Variants in VPS54 observed in about 807,000 individuals in gnomAD.
The protein encoded by VPS54 is vacuolar protein sorting-associated protein 54.
A neutral mutation model predicts 121.5 loss-of-function variants in VPS54; 45 were observed. The observed-to-expected ratio is 0.37, with a 90% CI of 0.29 to 0.47. The LOEUF is 0.47. Among genes scored for constraint, VPS54 ranks in the 20% least tolerant of loss-of-function variants. The pLI is 0.99. For missense variants in VPS54, 1,090 were observed against 1,131.4 expected (o/e 0.96, Z 0.52); for synonymous variants, 371 against 385.8 (o/e 0.96, Z 0.45).
chr2:63,976,441 T>C (rs1676534667), intron 3 of VPS54, among the ~76,000 whole-genome samples: 1 of 151,974 alleles, frequency 6.6e-6, no homozygotes, highest in Non-Finnish European at 1.5e-5. Flanking sequence ...AGTATTAGCT[T>C]CATGACAGCC....
At position 63,914,239 on chromosome 2, in the gene VPS54, C is replaced by T. The variant is rs1321023567; in HGVS notation, c.2277G>A (p.Val759=). 2 of 1,613,300 alleles carry T rather than the reference C, an allele frequency of 1.2e-6. No homozygotes were observed. The highest frequency in any genetic ancestry group is 1.7e-6 in the Non-Finnish European group (2 of 1,179,682). Residue 759 remains valine (V), a synonymous_variant, in exon 17 of 23, where the codon GTG becomes GTA. Transcript: ENST00000272322. ...IRIILEYCQC[V]DNIPSVTTDM... is the part of the protein sequence containing the mutation. ...CAGTAGTAACAGATGGGATGTTATC[C>T]ACACACTGGCAATATTCAAGGATAA...
At chr2:63,921,822 T>C (rs950644672) in intron 12 of VPS54, among the ~76,000 whole-genome samples, 2 of 152,226 alleles carry the variant, frequency 1.3e-5, no homozygotes, top group African/African-American at 4.8e-5. Context: ...AGAATTTTCA[T>C]TCTCCACTGT....
chr2:63,999,791 T>G (rs1310814391), intron 1 of VPS54, among the ~76,000 whole-genome samples: 1 of 152,142 alleles, frequency 6.6e-6, no homozygotes, highest in Non-Finnish European at 1.5e-5. Flanking sequence ...TTTTTTCTTT[T>G]GTCTTCTCTG....
At chr2:63,915,488 A>G (rs1462500512) in intron 16 of VPS54, among the ~76,000 whole-genome samples, 1 of 152,178 alleles carries the variant, frequency 6.6e-6, no homozygotes, top group Non-Finnish European at 1.5e-5. Flanking sequence ...GCATGAGTCC[A>G]TTGCTTATCT....
chr2:63,903,538 A>G (rs970758451), intron 20 of VPS54, among the ~76,000 whole-genome samples: 1 of 152,206 alleles, frequency 6.6e-6, no homozygotes, highest in Non-Finnish European at 1.5e-5. Context: ...ACTTTAAAAG[A>G]TAACTGATAA....
At chr2:64,000,062 A>G (rs58074696) in intron 1 of VPS54, among the ~76,000 whole-genome samples, 11,042 of 151,784 alleles carry the variant, frequency 0.073, 846 homozygotes, top group African/African-American at 0.2. Flanking sequence ...GGGTTTCACC[A>G]TGTTGGCCGG....
chr2:63,982,195 C>T (rs34389106), intron 2 of VPS54, among the ~76,000 whole-genome samples: 26,892 of 122,946 alleles, frequency 0.22, 3,155 homozygotes, highest in Non-Finnish European at 0.31. Flanking sequence ...ATTACTCTAT[C>T]TTTTTTTTTC....
In VPS54 at chr2:63,933,791, A is replaced by T; in HGVS notation, c.1621T>A (p.Ser541Thr). 6.2e-7 allele frequency: 1 copy of T among 1,613,892 alleles called. No individual in the cohort carries two copies. The highest frequency in any genetic ancestry group is 8.5e-7 in the Non-Finnish European group (1 of 1,179,856). The change falls in exon 12 of 23, where the codon TCT becomes ACT. Residue 541 changes from serine (S) to threonine (T), a missense_variant. Ser to Thr is a moderately conservative substitution (Grantham distance 58). Transcript: ENST00000272322. ...CTGCTGCAGGGCTCACTATTTGGAG[A>T]TGCATTTCTTTGAGAGGTAGTGTCA... ...AVDTTSQRNA[S>T]PNSEPCSSDS...
intron 13 of VPS54, among the ~76,000 whole-genome samples, 172 bp from the exon 14 acceptor site, chr2:63,920,799 T>C (rs1463197153): frequency 1.3e-5 from 2 of 152,112 alleles, no homozygotes; most frequent in African/African-American, 4.8e-5. Flanking sequence ...AATTTGATTC[T>C]GATCCCTTTA....
chr2:64,013,717 TAG>T (rs983073130), intron 1 of VPS54, among the ~76,000 whole-genome samples: 8 of 147,454 alleles, frequency 5.4e-5, no homozygotes, highest in Non-Finnish European at 8.9e-5. Context: ...ATATATCATA[TAG>T]AGAGATATAT....
At chr2:63,987,500 T>G (rs35648996) in intron 1 of VPS54, among the ~76,000 whole-genome samples, 26,947 of 152,132 alleles carry the variant, frequency 0.18, 3,157 homozygotes, top group Non-Finnish European at 0.24. Context: ...GATAGCTTTG[T>G]TTATTCCAAG....
chr2:63,990,557 C>T (rs1396877352), intron 1 of VPS54, among the ~76,000 whole-genome samples: 1 of 152,116 alleles, frequency 6.6e-6, no homozygotes, highest in East Asian at 1.9e-4. Context: ...CAGTAATCAC[C>T]AGGATACCTC....
chr2:63,947,263 A>C, intron 9 of VPS54, 120 bp downstream of exon 9: 3 of 966,896 alleles, frequency 3.1e-6, no homozygotes, highest in Non-Finnish European at 4.2e-6. Flanking sequence ...CTAAATTTTC[A>C]GTTTTTACAT....
chr2:64,015,385 A>G (rs1678633393), intron 1 of VPS54, among the ~76,000 whole-genome samples: 1 of 152,092 alleles, frequency 6.6e-6, no homozygotes, highest in Admixed American at 6.5e-5. Flanking sequence ...GTTAGTTGCT[A>G]GAGGATCTAA....
At position 63,977,877 on chromosome 2, in the gene VPS54, A is replaced by G. The variant is rs1676621398; in HGVS notation, c.378+3769T>C. ...AGTTAGGCTTTATTTACTGATTGCT[A>G]TAGCTGCAGGTGTCAGAGGCTAAAA... On this transcript the variant is annotated intron_variant, in intron 3 of 22. Transcript: ENST00000272322. Among the ~76,000 whole-genome samples the G allele has an allele frequency of 2.6e-5, 4 of 152,190 alleles. No individual in the cohort carries two copies. In the South Asian group the frequency reaches 8.3e-4, roughly 31 times the overall value.
intron 15 of VPS54, among the ~76,000 whole-genome samples, chr2:63,917,406 T>C (rs575116227): frequency 1.3e-5 from 2 of 152,216 alleles, no homozygotes; most frequent in South Asian, 4.1e-4. Flanking sequence ...ACTATTATCA[T>C]TATAGAATAC....
intron 3 of VPS54, among the ~76,000 whole-genome samples, chr2:63,972,747 G>A (rs910206961): frequency 1.3e-5 from 2 of 151,818 alleles, no homozygotes; most frequent in African/African-American, 2.4e-5. Flanking sequence ...GAGTAGTGGC[G>A]CACACCTGAA....
chr2:63,976,823 CTCTTTTTTTTT>C (rs1046392191), intron 3 of VPS54, among the ~76,000 whole-genome samples: 4 of 68,040 alleles, frequency 5.9e-5, no homozygotes, highest in Non-Finnish European at 1.2e-4. Flanking sequence ...CTTATATCTT[CTCTTTTTTTTT>C]TTTTTTTTTT....
At chr2:63,904,190 A>C (rs1672806699) in intron 20 of VPS54, among the ~76,000 whole-genome samples, 1 of 152,226 alleles carries the variant, frequency 6.6e-6, no homozygotes, top group Non-Finnish European at 1.5e-5. Flanking sequence ...CTGTAATCCC[A>C]GCACTTTGGA....
Sources: gnomAD v4.1 joint callset for allele counts (sites outside exome capture counted in the v4.1 genomes callset) on GRCh38, gnomAD v4.1.1 for gene constraint, MANE v1.5 for transcripts, NCBI Gene and HGNC (gene_info 2026-07-23, HGNC 2026-07-21) for gene names.